Variants in NKAIN2 observed in about 807,000 individuals in gnomAD.
NKAIN2 encodes sodium/potassium-transporting ATPase subunit beta-1-interacting protein 2.
In NKAIN2, 14 loss-of-function variants were observed where a neutral mutation model predicts 32.6. That is an observed-to-expected ratio of 0.43 (90% CI 0.28 to 0.67). The LOEUF (loss-of-function observed/expected upper bound fraction) is 0.67. Among genes scored for constraint, NKAIN2 ranks in the 30% least tolerant of loss-of-function variants. The probability of loss-of-function intolerance (pLI) is 0.17; values close to 1 mark genes in which losing one functional copy is unlikely to be tolerated. For missense variants in NKAIN2, 198 were observed against 258.3 expected (o/e 0.77, Z 1.60); for synonymous variants, 80 against 87.2 (o/e 0.92, Z 0.46).
chr6:124,522,096 G>T (rs1378309210), intron 3 of NKAIN2, among the ~76,000 whole-genome samples: 1 of 152,010 alleles, frequency 6.6e-6, no homozygotes, highest in Non-Finnish European at 1.5e-5. Flanking sequence ...TCACTTGCTT[G>T]TGATGGTTTT....
At chr6:124,777,438 C>A (rs1048061779) in intron 4 of NKAIN2, among the ~76,000 whole-genome samples, 2 of 152,166 alleles carry the variant, frequency 1.3e-5, no homozygotes, top group African/African-American at 2.4e-5. Context: ...TCTATGCCAC[C>A]AATTCCTCAT....
intron 5 of NKAIN2, 21 bp downstream of exon 5, chr6:124,791,420 C>T (rs373170400): frequency 1.3e-6 from 2 of 1,548,060 alleles, no homozygotes; most frequent in South Asian, 1.1e-5. Flanking sequence ...AAGCTCTATT[C>T]TGTTTCTTTC....
chr6:124,706,346 T>G (rs1213983168), intron 4 of NKAIN2, among the ~76,000 whole-genome samples: 1 of 152,094 alleles, frequency 6.6e-6, no homozygotes, highest in East Asian at 1.9e-4. Context: ...TCCTAATAAA[T>G]GAGAAAGTTC....
At chr6:124,342,357 C>T (rs1206812540) in intron 2 of NKAIN2, among the ~76,000 whole-genome samples, 1 of 147,974 alleles carries the variant, frequency 6.8e-6, no homozygotes, top group East Asian at 2.0e-4. Flanking sequence ...TGCAGTGAGC[C>T]GAGATTGCCC....
At chr6:124,144,275 A>C (rs77736898) in intron 1 of NKAIN2, among the ~76,000 whole-genome samples, 1,738 of 152,298 alleles carry the variant, frequency 0.011, 33 homozygotes, top group African/African-American at 0.04. Context: ...CTTACTGTGT[A>C]GTGTTGCTGC....
intron 3 of NKAIN2, among the ~76,000 whole-genome samples, chr6:124,593,377 C>T (rs1781979535): frequency 1.3e-5 from 2 of 152,150 alleles, no homozygotes; most frequent in African/African-American, 4.8e-5. Context: ...GACCGCTATG[C>T]ATATATCCTA....
chr6:124,577,469 C>G (rs1781375459), intron 3 of NKAIN2, among the ~76,000 whole-genome samples: 1 of 152,064 alleles, frequency 6.6e-6, no homozygotes, highest in South Asian at 2.1e-4. Context: ...GGAAAACAAC[C>G]CTGGCCAGAA....
intron 3 of NKAIN2, among the ~76,000 whole-genome samples, chr6:124,442,532 A>G (rs1353132587): frequency 6.6e-6 from 1 of 152,012 alleles, no homozygotes; most frequent in Non-Finnish European, 1.5e-5. Context: ...GATCTAAGAC[A>G]CCGGCTCCTG....
chr6:124,688,596 C>G (rs1196018974), intron 4 of NKAIN2, among the ~76,000 whole-genome samples: 1 of 151,998 alleles, frequency 6.6e-6, no homozygotes, highest in Non-Finnish European at 1.5e-5. Context: ...GGTATTTTCA[C>G]TGCCCTAAAA....
intron 1 of NKAIN2, among the ~76,000 whole-genome samples, chr6:123,886,764 T>G (rs185765162): frequency 3.0e-4 from 46 of 152,264 alleles, no homozygotes; most frequent in Admixed American, 1.6e-3. Context: ...TTCAGAACAG[T>G]AAAACATTTT....
chr6:124,713,579 T>C (rs946309194), intron 4 of NKAIN2, among the ~76,000 whole-genome samples: 1 of 152,190 alleles, frequency 6.6e-6, no homozygotes, highest in Non-Finnish European at 1.5e-5. Flanking sequence ...GGTTTCATTT[T>C]AGGAAATGAA....
chr6:124,453,371 T>G, intron 3 of NKAIN2, among the ~76,000 whole-genome samples: 1 of 63,344 alleles, frequency 1.6e-5, no homozygotes, highest in Non-Finnish European at 3.0e-5. Context: ...ACACACACAG[T>G]TCTGAGGTCA....
chr6:124,542,941 GAATA>G (rs1323878412), intron 3 of NKAIN2, among the ~76,000 whole-genome samples: 2 of 152,154 alleles, frequency 1.3e-5, no homozygotes, highest in African/African-American at 4.8e-5. Context: ...ACATTTTGAT[GAATA>G]GATAGTCTGA....
chr6:124,106,527 ACT>A (rs1287593398), intron 1 of NKAIN2, among the ~76,000 whole-genome samples: 1 of 152,218 alleles, frequency 6.6e-6, no homozygotes, highest in Non-Finnish European at 1.5e-5. Context: ...TGAAAGTCTT[ACT>A]TGGATAAAAA....
intron 5 of NKAIN2, among the ~76,000 whole-genome samples, chr6:124,800,322 G>T (rs2114829427): frequency 6.6e-6 from 1 of 152,270 alleles, no homozygotes; most frequent in East Asian, 1.9e-4. Flanking sequence ...TTTGCGGAAT[G>T]AAAACATCTG....
At chr6:124,387,486 T>C (rs913813487) in intron 3 of NKAIN2, among the ~76,000 whole-genome samples, 1 of 152,076 alleles carries the variant, frequency 6.6e-6, no homozygotes, top group African/African-American at 2.4e-5. Context: ...TTACCTGTCA[T>C]CCTCTTATCT....
intron 4 of NKAIN2, among the ~76,000 whole-genome samples, chr6:124,662,776 A>T (rs777799631): frequency 6.6e-6 from 1 of 152,182 alleles, no homozygotes; most frequent in African/African-American, 2.4e-5. Context: ...TGTATGTTGT[A>T]TGCATGGGAG....
chr6:123,816,689 G>A (rs1415018784), intron 1 of NKAIN2, among the ~76,000 whole-genome samples: 1 of 152,136 alleles, frequency 6.6e-6, no homozygotes, highest in Non-Finnish European at 1.5e-5. Flanking sequence ...GGAAGGGGTA[G>A]TTAGATGATT....
Position 124,593,205 on chromosome 6 carries a change from TTG to T in NKAIN2, c.274-64961_274-64960del, listed in dbSNP as rs10526889. On this transcript the variant is annotated intron_variant, in intron 3 of 6. Transcript: ENST00000368417. Reference sequence around the variant, plus strand: ...CAGCCATTCAAAGGAGATGAGAGTTTTGTGTGTGTGTGTGTGTGTGTTTGTGT... The same window carrying T: ...CAGCCATTCAAAGGAGATGAGAGTTTTGTGTGTGTGTGTGTGTGTTTGTGT... Among the ~76,000 whole-genome samples, 202 of 149,972 alleles carry T rather than the reference TTG, an allele frequency of 1.3e-3. No individual in the cohort carries two copies. The Middle Eastern group carries it at 0.021, about 15-fold the overall frequency.
Sources: allele counts gnomAD v4.1 joint callset (sites outside exome capture counted in the v4.1 genomes callset), GRCh38; gene constraint gnomAD v4.1.1; transcripts MANE v1.5; gene names NCBI Gene and HGNC (gene_info 2026-07-23, HGNC 2026-07-21).